The following BRICD5 variants were observed in gnomAD, a reference collection of about 807,000 sequenced individuals.
The protein encoded by BRICD5 is BRICHOS domain containing 5, also known as BRICHOS domain-containing protein 5.
A neutral mutation model predicts 28.4 loss-of-function variants in BRICD5; 51 were observed. The observed-to-expected ratio is 1.80, with a 90% confidence interval of 1.43 to 2.27. The LOEUF (loss-of-function observed/expected upper bound fraction) is 2.27. BRICD5 is among the 30% of genes most tolerant of loss of function. The pLI is 0.00. For missense variants in BRICD5, 456 were observed against 309.6 expected (o/e 1.47, Z -3.55); for synonymous variants, 177 against 130.2 (o/e 1.36, Z -2.44).
chr16:2,210,326 A>C (rs2093368161), intron 2 of BRICD5, 45 bp from the exon 3 acceptor site: 2 of 1,505,646 alleles, frequency 1.3e-6, no homozygotes, highest in Admixed American at 4.0e-5. Flanking sequence ...GTGCAACCCC[A>C]GCACAGCCTC....
chr16:2,210,487 A>G (rs1005449095), intron 2 of BRICD5, 35 bp downstream of exon 2: 5 of 1,568,084 alleles, frequency 3.2e-6, no homozygotes, highest in Non-Finnish European at 3.5e-6. Context: ...CTCCCTTTCC[A>G]CTGTCCATGT....
rs943676672 is a variant in BRICD5, at chr16:2,209,724, G to A, written c.439-18C>T. 1.0e-5 allele frequency: 16 copies of A among 1,592,826 alleles called. No homozygotes were observed. The highest frequency in any genetic ancestry group is 1.3e-5 in the Non-Finnish European group (15 of 1,167,742). On this transcript the variant is annotated intron_variant, in intron 4 of 5. Transcript: ENST00000328540. The stretch of plus-strand genomic sequence containing the variant: ...TCTTGGACCTGTTGAGAAGGCTCTG[G>A]TGGGCGGTGGGACAGGGCTGCTCCC...
rs373768566 is a variant in BRICD5 at position 2,210,835 on chromosome 16, C to T, written c.-2G>A. 44 of 1,601,618 alleles carry T rather than the reference C, an allele frequency of 2.7e-5. No individual in the cohort carries two copies. Among genetic ancestry groups the T allele is most frequent in the East Asian group, 1.8e-4 (8 of 44,888 alleles). On this transcript the variant is annotated 5_prime_UTR_variant, in exon 1 of 6. Coordinates refer to ENST00000328540, the MANE Select transcript of BRICD5 (RefSeq NM_182563.4). ...AGCACAGCAGCTTGCTGGTTCCATC[C>T]TGCAGCCCCTGCTCACAATGTGCCG...
Position 2,210,812 on chromosome 16 carries a change from C to T in BRICD5, c.22G>A (p.Ala8Thr). 6.2e-7 allele frequency: 1 copy of T among 1,604,290 alleles called. No individual in the cohort carries two copies. Residue 8 changes from alanine (A) to threonine (T), a missense_variant, in exon 1 of 6, where the codon GCT becomes ACT. By Grantham distance (58) the Ala-to-Thr change is moderately conservative. Transcript: ENST00000328540. MEPASCC[A>T]ERPKPGPTGV... ...GTAGGCCCAGGTTTGGGGCGCTCAG[C>T]ACAGCAGCTTGCTGGTTCCATCCTG...
At chr16:2,209,906 T>C (rs753744367) in intron 4 of BRICD5, 44 bp downstream of exon 4, 1 of 1,471,792 alleles carries the variant, frequency 6.8e-7, no homozygotes, top group Non-Finnish European at 9.0e-7. Flanking sequence ...CAGGACCCTT[T>C]GTCTAGCCCC....
rs199992378 is a variant in BRICD5 at position 2,209,479 on chromosome 16, C to A, written c.593-23G>T. ...GCCCTGTGGCGAGGGTGCCGTGAAT[C>A]TCCAAGGGCTCCGCCCCCAGCTCCT... On this transcript the variant is annotated intron_variant, in intron 5 of 5. Coordinates refer to ENST00000328540, the MANE Select transcript of BRICD5 (RefSeq NM_182563.4). 2.0e-4 allele frequency: 323 copies of A among 1,613,308 alleles called. 3 individuals are homozygous for A. The East Asian group carries it at 7.1e-3, about 35-fold the overall frequency.
In BRICD5 at chr16:2,210,603, G is replaced by A; in HGVS notation, c.99C>T (p.Leu33=). ...SCGGWRAVSL[L]LLLLLLVLAA... The stretch of plus-strand genomic sequence containing the variant: ...CCAGCACCAGCAGCAGCAGCAGCAG[G>A]AGCAGGCTCACGGCTCTCCAGCCCC... Residue 33 remains leucine, a synonymous_variant, in exon 2 of 6, where the codon CTC becomes CTT. Transcript: ENST00000328540. The A allele has an allele frequency of 6.2e-7, 1 of 1,612,470 alleles. No individual in the cohort carries two copies. The highest frequency in any genetic ancestry group is 1.1e-5 in the South Asian group (1 of 91,040).
At chr16:2,209,913 C>T (rs898042865) in intron 4 of BRICD5, 37 bp downstream of exon 4, 5 of 1,480,396 alleles carry the variant, frequency 3.4e-6, no homozygotes, top group African/African-American at 2.8e-5. Flanking sequence ...CTTTGTCTAG[C>T]CCCTGGCCCG....
chr16:2,209,349 C>G lies in BRICD5; in HGVS notation c.*13G>C, dbSNP rs752577307. ...TGGATTGGGGACGGGCCAGGCTGGGCCAGGTCGGGGGCTCAGTCTGGGAGG... is the reference window on the plus strand; with the variant it reads ...TGGATTGGGGACGGGCCAGGCTGGGGCAGGTCGGGGGCTCAGTCTGGGAGG... On this transcript the variant is annotated 3_prime_UTR_variant, in exon 6 of 6. Coordinates refer to ENST00000328540, the MANE Select transcript of BRICD5 (RefSeq NM_182563.4). 5 of 1,606,150 alleles carry G rather than the reference C, an allele frequency of 3.1e-6. No homozygotes were observed. In the South Asian group the frequency reaches 5.5e-5, roughly 18 times the overall value.
chr16:2,209,705 A>G lies in BRICD5; in HGVS notation c.440T>C (p.Val147Ala), dbSNP rs2093364045. ...TLRLLVDTSK[V>A]QEAWVPSQDT... ...CTGGCTGGGGACCCAAGCCTCTTGG[A>G]CCTGTTGAGAAGGCTCTGGTGGGCG... is the stretch of plus-strand genomic sequence containing the variant. The change falls in exon 5 of 6, where the codon GTC becomes GCC. Residue 147 changes from valine (V) to alanine (A), a missense_variant and splice_region_variant. By Grantham distance (64) the Val-to-Ala change is moderately conservative (BLOSUM62 0). Transcript: ENST00000328540. 1 of 1,608,066 alleles carries G rather than the reference A, an allele frequency of 6.2e-7. No homozygotes were observed. The highest frequency in any genetic ancestry group is 1.7e-5 in the Admixed American group (1 of 59,556).
chr16:2,209,703 G>C lies in BRICD5; in HGVS notation c.442C>G (p.Gln148Glu), dbSNP rs775876480. ...LRLLVDTSKV[Q>E]EAWVPSQDTH... ...TCCTGGCTGGGGACCCAAGCCTCTTGGACCTGTTGAGAAGGCTCTGGTGGG... is the reference window on the plus strand; with the variant it reads ...TCCTGGCTGGGGACCCAAGCCTCTTCGACCTGTTGAGAAGGCTCTGGTGGG... The change falls in exon 5 of 6, where the codon CAA (glutamine) becomes GAA (glutamate). Residue 148 changes from glutamine (Q) to glutamate (E), a missense_variant. By Grantham distance (29) the Gln-to-Glu change is conservative (BLOSUM62 2). Coordinates refer to ENST00000328540, the MANE Select transcript of BRICD5 (RefSeq NM_182563.4). The C allele has an allele frequency of 1.8e-5, 29 of 1,608,722 alleles. No homozygotes were observed. Among genetic ancestry groups the C allele is most frequent in the Non-Finnish European group, 2.5e-5 (29 of 1,177,068 alleles).
In BRICD5 at chr16:2,209,276, C is replaced by G; in HGVS notation, c.*86G>C. On this transcript the variant is annotated 3_prime_UTR_variant, in exon 6 of 6. Coordinates refer to ENST00000328540, the MANE Select transcript of BRICD5 (RefSeq NM_182563.4). Reference sequence around the variant, plus strand: ...TGGCCAGGTGGAAGGGTTTATTAGTCCCTGCCAGCAGCTGTCCTCCCTGGT... The same window carrying G: ...TGGCCAGGTGGAAGGGTTTATTAGTGCCTGCCAGCAGCTGTCCTCCCTGGT... The G allele has an allele frequency of 7.9e-7, 1 of 1,270,808 alleles. No homozygotes were observed. Among genetic ancestry groups the G allele is most frequent in the Non-Finnish European group, 1.1e-6 (1 of 893,308 alleles). 78.7% of individuals were successfully genotyped at this position (1,270,808 alleles called of 1,614,324 possible). A position where few individuals can be genotyped will look rare whatever the true frequency, so the allele number is the denominator to read the frequency against.
chr16:2,209,538 G>C lies in BRICD5; in HGVS notation c.592+15C>G, dbSNP rs2093362437. 1.2e-6 allele frequency: 2 copies of C among 1,612,138 alleles called. No homozygotes were observed. Among genetic ancestry groups the C allele is most frequent in the South Asian group, 2.2e-5 (2 of 91,092 alleles). ...CCCGAGGGCCTGGCCTTCCCCCACAGCGGTCCTGACTCACCCTCTGCTCGC... is the reference window on the plus strand; with the variant it reads ...CCCGAGGGCCTGGCCTTCCCCCACACCGGTCCTGACTCACCCTCTGCTCGC... On this transcript the variant is annotated intron_variant, in intron 5 of 5. Coordinates refer to ENST00000328540, the MANE Select transcript of BRICD5 (RefSeq NM_182563.4).
At position 2,210,021 on chromosome 16, in the gene BRICD5, G is replaced by C. The variant is rs773330482; in HGVS notation, c.367C>G (p.Gln123Glu). Reference sequence around the variant, plus strand: ...TCCATCAGGCGGAGGAAGCAGACCTGGTGCTCCTCAGGGCGGTAACAGATG... The same window carrying C: ...TCCATCAGGCGGAGGAAGCAGACCTCGTGCTCCTCAGGGCGGTAACAGATG... ...GCICYRPEEH[Q>E]VCFLRLMEDS... The change falls in exon 4 of 6, where the codon CAG (glutamine) becomes GAG (glutamate). Residue 123 changes from glutamine to glutamate, a missense_variant. Gln to Glu is a conservative substitution (Grantham distance 29, BLOSUM62 2). Coordinates refer to ENST00000328540, the MANE Select transcript of BRICD5 (RefSeq NM_182563.4). The C allele has an allele frequency of 3.8e-6, 6 of 1,573,972 alleles. No homozygotes were observed. The highest frequency in any genetic ancestry group is 3.4e-5 in the South Asian group (3 of 87,044).
In BRICD5 at chr16:2,209,615, G is replaced by A. The variant is rs751556428; in HGVS notation, c.530C>T (p.Ala177Val). The change falls in exon 5 of 6, where the codon GCG (alanine) becomes GTG (valine). Residue 177 changes from alanine to valine, a missense_variant. Physicochemically the swap from Ala to Val is moderately conservative, Grantham distance 64. Transcript: ENST00000328540. ...GCACAGGCGCTGCACCAAAGCCCCC[G>A]CCTGGGCGGGGTCCACTTCGAGGCT... Reference protein sequence around the residue: ...QGSLEVDPAQAGALVQRLCMR... With the variant: ...QGSLEVDPAQVGALVQRLCMR... 16 of 1,612,992 alleles carry A rather than the reference G, an allele frequency of 9.9e-6. 1 individual carries two copies. Among genetic ancestry groups the A allele is most frequent in the Middle Eastern group, 3.3e-4 (2 of 6,070 alleles).
Position 2,210,187 on chromosome 16 carries a change from G to T in BRICD5, c.275C>A (p.Thr92Asn), listed in dbSNP as rs755739839. ...ILVDVARNAATITVTPPQSNH... is the reference protein window; with the variant it reads ...ILVDVARNAANITVTPPQSNH... ...GCTCTGAGGTGGGGTCACTGTGATG[G>T]TCGCCGCGTTCCGGGCCACGTCCAC... The change falls in exon 3 of 6, where the codon ACC (threonine) becomes AAC (asparagine). Residue 92 changes from threonine (T) to asparagine (N), a missense_variant. By Grantham distance (65) the Thr-to-Asn change is moderately conservative. Transcript: ENST00000328540. 6.2e-7 allele frequency: 1 copy of T among 1,603,462 alleles called. No individual in the cohort carries two copies. Among genetic ancestry groups the T allele is most frequent in the Non-Finnish European group, 8.5e-7 (1 of 1,176,580 alleles).
At chr16:2,209,516 G>C (rs61077383) in intron 5 of BRICD5, 37 bp downstream of exon 5, 4 of 1,612,656 alleles carry the variant, frequency 2.5e-6, no homozygotes, top group Non-Finnish European at 2.5e-6. Context: ...AAACCATCCC[G>C]AGGGCCTGGC....
rs1463751100 is a variant in BRICD5, at chr16:2,210,280, G to C, written c.182C>G (p.Pro61Arg). Residue 61 changes from proline (P) to arginine (R), a missense_variant and splice_region_variant, in exon 3 of 6, where the codon CCA becomes CGA. By Grantham distance (103) the Pro-to-Arg change is moderately radical. Transcript: ENST00000328540. ...GGTCATTCGCAGCGTCTGCAGCCTT[G>C]GCTGGCAGTGGGAGTTGGAGTTCAG... ...LLGSAQGPPK[P>R]RLQTLRMTLP... is the part of the protein sequence containing the mutation. 1 of 1,525,286 alleles carries C rather than the reference G, an allele frequency of 6.6e-7. No homozygotes were observed. The highest frequency in any genetic ancestry group is 1.4e-5 in the African/African-American group (1 of 73,146). The allele number at this position is 1,525,286 out of a possible 1,614,324, so 94.5% of individuals were successfully genotyped here.
Position 2,209,941 on chromosome 16 carries a change from A to C in BRICD5, c.438+9T>G. 6.6e-7 allele frequency: 1 copy of C among 1,514,794 alleles called. No individual in the cohort carries two copies. The highest frequency in any genetic ancestry group is 8.8e-7 in the Non-Finnish European group (1 of 1,130,924). 93.8% of individuals were successfully genotyped at this position (1,514,794 alleles called of 1,614,324 possible). ...CTGGCCCGGGCCTGCGCCCAGCAGG[A>C]CGGCTCACCTTGGAGGTATCCACCA... On this transcript the variant is annotated intron_variant, in intron 4 of 5. Transcript: ENST00000328540.
Sources: allele counts gnomAD v4.1 joint callset, GRCh38; gene constraint gnomAD v4.1.1; transcripts MANE v1.5; gene names NCBI Gene and HGNC (gene_info 2026-07-23, HGNC 2026-07-21).